The following HPN variants were observed in gnomAD, a reference collection of about 807,000 sequenced individuals.
HPN encodes the protein serine protease hepsin.
HPN carries 13 observed loss-of-function variants against 55.9 expected under a neutral mutation model. That is an observed-to-expected ratio of 0.23 (90% CI 0.15 to 0.37). The LOEUF (loss-of-function observed/expected upper bound fraction) is 0.37. HPN is among the 10% of genes least tolerant of loss of function. The pLI, the probability that HPN is intolerant of heterozygous loss-of-function variation, is 1.00. For missense variants in HPN, 451 were observed against 575.8 expected, an observed-to-expected ratio of 0.78 and a Z score of 2.22; for synonymous variants, 225 against 240.3, an observed-to-expected ratio of 0.94 and a Z score of 0.59.
chr19:35,048,076 GAAA>G (rs1568356411), intron 2 of HPN, among the ~76,000 whole-genome samples: 2,474 of 57,498 alleles, frequency 0.043, 41 homozygotes, highest in African/African-American at 0.065. Flanking sequence ...AAGAAAGAAA[GAAA>G]GAAAAGGAAG....
At chr19:35,046,448 T>C (rs1250551803) in intron 2 of HPN, among the ~76,000 whole-genome samples, 1 of 152,100 alleles carries the variant, frequency 6.6e-6, no homozygotes, top group Non-Finnish European at 1.5e-5. Flanking sequence ...TTTCACCATG[T>C]TGGCCAGGCT....
chr19:35,046,013 G>T (rs1396686281), intron 2 of HPN, among the ~76,000 whole-genome samples: 3 of 152,188 alleles, frequency 2.0e-5, no homozygotes, highest in Non-Finnish European at 4.4e-5. Context: ...CTAGAGCCCT[G>T]GCAGGCACAG....
At chr19:35,051,671 C>T (rs1260159722) in intron 4 of HPN, among the ~76,000 whole-genome samples, 1 of 134,834 alleles carries the variant, frequency 7.4e-6, no homozygotes, top group African/African-American at 2.6e-5. Context: ...AGTGTCTACA[C>T]TTGATTGCTT....
chr19:35,042,278 G>T, intron 1 of HPN, 175 bp from the exon 2 acceptor site: 1 of 1,377,408 alleles, frequency 7.3e-7, no homozygotes, highest in South Asian at 1.7e-5. Context: ...CCCGCTGCTG[G>T]TCAGACACTG....
rs1343061395 is a variant in HPN, at chr19:35,049,312, C to T, written c.39C>T (p.Cys13=). ...QKEGGRTVPC[C]SRPKVAALTA... is the part of the protein sequence containing the mutation. ...CAGGTGGCCGGACTGTGCCATGCTGCTCCAGACCCAAGGTGGCAGCTCTCA... is the reference window on the plus strand; with the variant it reads ...CAGGTGGCCGGACTGTGCCATGCTGTTCCAGACCCAAGGTGGCAGCTCTCA... Residue 13 remains cysteine, a synonymous_variant, in exon 3 of 13, where the codon TGC becomes TGT. Coordinates refer to ENST00000672452, the MANE Select transcript of HPN (RefSeq NM_001384133.1). The T allele has an allele frequency of 1.3e-6, 2 of 1,585,062 alleles. No individual in the cohort carries two copies. The highest frequency in any genetic ancestry group is 1.7e-6 in the Non-Finnish European group (2 of 1,163,898).
At chr19:35,041,985 A>G (rs2064298880) in intron 1 of HPN, 113 bp downstream of exon 1, 1 of 1,189,548 alleles carries the variant, frequency 8.4e-7, no homozygotes, top group Non-Finnish European at 1.1e-6. Flanking sequence ...GGGGACCTGA[A>G]GAGGGGGCAC....
chr19:35,065,320 G>C lies in HPN; in HGVS notation c.882G>C (p.Thr294=), dbSNP rs139123237. ...ALVDGKICTV[T]GWGNTQYYGQ... is the part of the protein sequence containing the mutation. ...TGGATGGCAAGATCTGTACCGTGAC[G>C]GGCTGGGGCAACACGCAGTACTATG... Residue 294 remains threonine, a synonymous_variant, in exon 10 of 13, where the codon ACG becomes ACC. Transcript: ENST00000672452. 6.2e-7 allele frequency: 1 copy of C among 1,613,892 alleles called. No homozygotes were observed. Among genetic ancestry groups the C allele is most frequent in the South Asian group, 1.1e-5 (1 of 91,052 alleles).
At chr19:35,055,209 T>C (rs2064442762) in intron 4 of HPN, among the ~76,000 whole-genome samples, 1 of 152,098 alleles carries the variant, frequency 6.6e-6, no homozygotes, top group Non-Finnish European at 1.5e-5. Context: ...ACCTGGCTAT[T>C]GTCACTCAGC....
At chr19:35,057,938 G>T (rs1459497184) in intron 4 of HPN, among the ~76,000 whole-genome samples, 2 of 152,024 alleles carry the variant, frequency 1.3e-5, no homozygotes, top group Non-Finnish European at 2.9e-5. Context: ...ATCACCTGAG[G>T]TCAGGAGTTT....
At chr19:35,046,504 C>A (rs1443161031) in intron 2 of HPN, among the ~76,000 whole-genome samples, 1 of 152,202 alleles carries the variant, frequency 6.6e-6, no homozygotes, top group African/African-American at 2.4e-5. Context: ...CTCAGCCTCC[C>A]AAAGGACCGG....
intron 2 of HPN, among the ~76,000 whole-genome samples, chr19:35,048,818 G>A (rs1301749340): frequency 2.0e-5 from 3 of 152,134 alleles, no homozygotes; most frequent in African/African-American, 7.2e-5. Flanking sequence ...CATGAGAGAG[G>A]TCTGATTTAG....
intron 2 of HPN, among the ~76,000 whole-genome samples, chr19:35,044,228 C>G (rs935252821): frequency 6.6e-6 from 1 of 152,138 alleles, no homozygotes; most frequent in African/African-American, 2.4e-5. Context: ...GCAGCGGCTG[C>G]TGTTGTTGGT....
chr19:35,054,455 G>A (rs140941704), intron 4 of HPN, among the ~76,000 whole-genome samples: 29 of 150,032 alleles, frequency 1.9e-4, no homozygotes, highest in African/African-American at 6.1e-4. Context: ...CACTATCTCC[G>A]AGGATGGTTG....
intron 4 of HPN, among the ~76,000 whole-genome samples, chr19:35,050,212 T>G (rs1210956464): frequency 6.6e-6 from 1 of 152,170 alleles, no homozygotes; most frequent in Admixed American, 6.5e-5. Context: ...AACCTCTGCC[T>G]CCCAGGTTCA....
At position 35,060,768 on chromosome 19, in the gene HPN, C is replaced by T; in HGVS notation, c.762C>T (p.Asn254=). The change falls in exon 9 of 13, where the codon AAC becomes AAT. Residue 254 remains asparagine, a synonymous_variant. Coordinates refer to ENST00000672452, the MANE Select transcript of HPN (RefSeq NM_001384133.1). ...LPFRDPNSEE[N]SNDIALVHLS... is the part of the protein sequence containing the mutation. ...TTCGGGACCCCAACAGCGAGGAGAA[C>T]AGCAACGATATTGCCCTGGTCCACC... The T allele has an allele frequency of 6.2e-7, 1 of 1,611,324 alleles. No homozygotes were observed. Among genetic ancestry groups the T allele is most frequent in the Non-Finnish European group, 8.5e-7 (1 of 1,178,618 alleles).
At chr19:35,060,863 G>A (rs1453734975) in intron 9 of HPN, 46 bp downstream of exon 9, 4 of 1,473,980 alleles carry the variant, frequency 2.7e-6, no homozygotes, top group Non-Finnish European at 2.7e-6. Flanking sequence ...CCGAGGCCAG[G>A]AGGACAGAGG....
At chr19:35,062,630 G>A (rs1306196651) in intron 9 of HPN, among the ~76,000 whole-genome samples, 1 of 152,042 alleles carries the variant, frequency 6.6e-6, no homozygotes, top group Non-Finnish European at 1.5e-5. Context: ...AAAATAGGCT[G>A]GGCATGTAAT....
intron 4 of HPN, among the ~76,000 whole-genome samples, chr19:35,058,173 A>G (rs534318998): frequency 8.6e-5 from 13 of 151,736 alleles, no homozygotes; most frequent in African/African-American, 3.1e-4. Flanking sequence ...ATAAATAAAA[A>G]TAAAATAAAT....
intron 4 of HPN, among the ~76,000 whole-genome samples, chr19:35,053,086 C>T (rs2064420835): frequency 6.6e-6 from 1 of 152,100 alleles, no homozygotes; most frequent in Admixed American, 6.6e-5. Context: ...TTGGCAGGCA[C>T]ACCAGGTGAC....
Sources: allele counts gnomAD v4.1 joint callset (sites outside exome capture counted in the v4.1 genomes callset), GRCh38; gene constraint gnomAD v4.1.1; transcripts MANE v1.5; gene names NCBI Gene and HGNC (gene_info 2026-07-23, HGNC 2026-07-21).